Variants in TMEM109 observed in about 807,000 individuals in gnomAD.
The protein encoded by TMEM109 is transmembrane protein 109.
TMEM109 carries 19 observed loss-of-function variants against 26.4 expected under a neutral mutation model. The ratio of observed to expected loss-of-function variants is 0.72; its 90% CI spans 0.50 to 1.06. The LOEUF is 1.06. Ranked by LOEUF, TMEM109 falls within the 50% of genes least tolerant of loss-of-function variation. The pLI is 0.00. For missense variants in TMEM109, 262 were observed against 303.4 expected (o/e 0.86, Z 1.01); for synonymous variants, 129 against 142.0 (o/e 0.91, Z 0.65).
At chr11:60,915,756 G>T (rs985389733) in intron 1 of TMEM109, among the ~76,000 whole-genome samples, 1 of 152,176 alleles carries the variant, frequency 6.6e-6, no homozygotes, top group Non-Finnish European at 1.5e-5. Context: ...GGGAGGGGGG[G>T]GCGCGAAATG....
At chr11:60,915,402 A>T (rs1392838589) in intron 1 of TMEM109, among the ~76,000 whole-genome samples, 1 of 152,222 alleles carries the variant, frequency 6.6e-6, no homozygotes, top group South Asian at 2.1e-4. Context: ...TCCTTTGTAC[A>T]CTGCTGCACT....
At position 60,922,299 on chromosome 11, in the gene TMEM109, C is replaced by T. The variant is rs1856254335; in HGVS notation, c.*134C>T. On this transcript the variant is annotated 3_prime_UTR_variant, in exon 4 of 4. Coordinates refer to ENST00000227525, the MANE Select transcript of TMEM109 (RefSeq NM_024092.3). ...TTCAGAACATTGATCCTTGCCGCAG[C>T]CCCACTAGCCAAGAGAAACAGAGAA... 1 of 1,540,450 alleles carries T rather than the reference C, an allele frequency of 6.5e-7. No homozygotes were observed. The highest frequency in any genetic ancestry group is 8.7e-7 in the Non-Finnish European group (1 of 1,146,740).
intron 1 of TMEM109, among the ~76,000 whole-genome samples, chr11:60,915,537 G>A (rs901194064): frequency 6.6e-6 from 1 of 152,226 alleles, no homozygotes; most frequent in Non-Finnish European, 1.5e-5. Context: ...CCTGGGTGGG[G>A]CAGACGTCCT....
intron 3 of TMEM109, 80 bp downstream of exon 3, chr11:60,921,068 C>G: frequency 7.9e-7 from 1 of 1,272,044 alleles, no homozygotes; most frequent in South Asian, 1.2e-5. Context: ...TTGTCAGGGT[C>G]TAGCCTTTTC....
chr11:60,921,524 T>G lies in TMEM109; in HGVS notation c.341-250T>G, dbSNP rs7951857. On this transcript the variant is annotated intron_variant, in intron 3 of 3. Transcript: ENST00000227525. Reference sequence around the variant, plus strand: ...TATCTCATTTAATTGCCAGCCACAGTACAGGGAGGCAGTAGAATTGTTCCC... The same window carrying G: ...TATCTCATTTAATTGCCAGCCACAGGACAGGGAGGCAGTAGAATTGTTCCC... Among the ~76,000 whole-genome samples, 4,209 of 152,278 alleles carry G rather than the reference T, an allele frequency of 0.028. 183 individuals are homozygous for G. The highest frequency in any genetic ancestry group is 0.091 in the African/African-American group (3,783 of 41,530).
chr11:60,922,183 C>G lies in TMEM109; in HGVS notation c.*18C>G, dbSNP rs1218406571. The G allele has an allele frequency of 3.8e-6, 6 of 1,563,148 alleles. No homozygotes were observed. Among genetic ancestry groups the G allele is most frequent in the African/African-American group, 1.4e-5 (1 of 73,400 alleles). On this transcript the variant is annotated 3_prime_UTR_variant, in exon 4 of 4. Coordinates refer to ENST00000227525, the MANE Select transcript of TMEM109 (RefSeq NM_024092.3). ...AGGAGTGAGCCGGATGCCCCACACACCGCCAGTGTCATACCAAAGAGCTGA... is the reference window on the plus strand; with the variant it reads ...AGGAGTGAGCCGGATGCCCCACACAGCGCCAGTGTCATACCAAAGAGCTGA...
At position 60,921,815 on chromosome 11, in the gene TMEM109, G is replaced by A. The variant is rs770302461; in HGVS notation, c.382G>A (p.Val128Ile). 10 of 1,613,856 alleles carry A rather than the reference G, an allele frequency of 6.2e-6. No homozygotes were observed. The highest frequency in any genetic ancestry group is 8.5e-6 in the Non-Finnish European group (10 of 1,180,036). ...GGGCCTGAAGCTCAGCCCTGGCCAG[G>A]TCCAGACCTTCCTGCTGTGGGGAGC... The part of the protein sequence containing the change: ...AQGLKLSPGQ[V>I]QTFLLWGAGA... The change falls in exon 4 of 4, where the codon GTC (valine) becomes ATC (isoleucine). Residue 128 changes from valine (V) to isoleucine (I), a missense_variant. By Grantham distance (29) the Val-to-Ile change is conservative (BLOSUM62 3). Coordinates refer to ENST00000227525, the MANE Select transcript of TMEM109 (RefSeq NM_024092.3).
At chr11:60,917,320 C>T (rs187998883) in intron 1 of TMEM109, among the ~76,000 whole-genome samples, 3 of 152,312 alleles carry the variant, frequency 2.0e-5, no homozygotes, top group East Asian at 1.9e-4. Context: ...CCTGACTGCT[C>T]CTACCTCAGG....
In TMEM109 at chr11:60,922,378, G is replaced by A. The variant is rs1455598201; in HGVS notation, c.*213G>A. The stretch of plus-strand genomic sequence containing the variant: ...CCCTGTCTTCTGAGGTTCTCTGTCT[G>A]GGGTTGGCTCTCTTAACCCTTTCTC... On this transcript the variant is annotated 3_prime_UTR_variant, in exon 4 of 4. Coordinates refer to ENST00000227525, the MANE Select transcript of TMEM109 (RefSeq NM_024092.3). 2.7e-6 allele frequency: 4 copies of A among 1,496,766 alleles called. No homozygotes were observed. Among genetic ancestry groups the A allele is most frequent in the Non-Finnish European group, 3.6e-6 (4 of 1,116,330 alleles). 92.7% of individuals were successfully genotyped at this position (1,496,766 alleles called of 1,614,324 possible).
At chr11:60,918,105 G>A (rs1347187953) in intron 1 of TMEM109, among the ~76,000 whole-genome samples, 1 of 152,198 alleles carries the variant, frequency 6.6e-6, no homozygotes, top group Non-Finnish European at 1.5e-5. Flanking sequence ...AATTACTTCA[G>A]TAAAATGGGG....
At chr11:60,921,731 A>G (rs759653504) in intron 3 of TMEM109, 43 bp from the exon 4 acceptor site, 2 of 1,527,710 alleles carry the variant, frequency 1.3e-6, no homozygotes, top group Non-Finnish European at 1.8e-6. Flanking sequence ...TCCCCTCACC[A>G]CTTCTCCAGG....
At chr11:60,918,025 A>G (rs1856191274) in intron 1 of TMEM109, among the ~76,000 whole-genome samples, 1 of 152,128 alleles carries the variant, frequency 6.6e-6, no homozygotes, top group African/African-American at 2.4e-5. Flanking sequence ...GTTGTTGTGT[A>G]TGAGGGGTCC....
At chr11:60,914,595 A>G (rs1019557799) in intron 1 of TMEM109, among the ~76,000 whole-genome samples, 11 of 152,338 alleles carry the variant, frequency 7.2e-5, no homozygotes, top group African/African-American at 2.6e-4. Flanking sequence ...CCCACGGCCC[A>G]GCCTCCTGCA....
Position 60,919,704 on chromosome 11 carries a change from C to T in TMEM109, c.11C>T (p.Ser4Phe). Residue 4 changes from serine (S) to phenylalanine (F), a missense_variant, in exon 2 of 4, where the codon TCC becomes TTC. Ser to Phe is a radical substitution (Grantham distance 155). Transcript: ENST00000227525. MAA[S>F]SISSPWGKHV... ...CTGGCAGACCCAGTCATGGCAGCCT[C>T]CAGCATCAGTTCACCATGGGGAAAG... 1.9e-6 allele frequency: 3 copies of T among 1,614,220 alleles called. No homozygotes were observed. Among genetic ancestry groups the T allele is most frequent in the Non-Finnish European group, 2.5e-6 (3 of 1,180,026 alleles).
At chr11:60,921,623 G>A in intron 3 of TMEM109, 151 bp from the exon 4 acceptor site, 1 of 659,456 alleles carries the variant, frequency 1.5e-6, no homozygotes, top group South Asian at 1.9e-5. Context: ...AAGAAACAGA[G>A]CTGAGATTCC....
chr11:60,921,264 A>G lies in TMEM109; in HGVS notation c.340+276A>G, dbSNP rs554624582. The stretch of plus-strand genomic sequence containing the variant: ...GGCAATATAATGAGACCTCGTCTCT[A>G]TAAAAAATTAGCCAAGCATGGTGGC... On this transcript the variant is annotated intron_variant, in intron 3 of 3. Coordinates refer to ENST00000227525, the MANE Select transcript of TMEM109 (RefSeq NM_024092.3). Among the ~76,000 whole-genome samples the G allele has an allele frequency of 7.2e-5, 11 of 152,294 alleles. No individual in the cohort carries two copies. In the South Asian group the frequency reaches 2.1e-3, roughly 29 times the overall value.
At chr11:60,919,645 T>A in intron 1 of TMEM109, 41 bp from the exon 2 acceptor site, 1 of 1,511,578 alleles carries the variant, frequency 6.6e-7, no homozygotes, top group Non-Finnish European at 9.2e-7. Flanking sequence ...GGTGAGTGTG[T>A]CTACCATGGC....
intron 3 of TMEM109, 67 bp from the exon 4 acceptor site, chr11:60,921,707 C>G: frequency 1.6e-6 from 2 of 1,285,222 alleles, no homozygotes; most frequent in Non-Finnish European, 2.2e-6. Flanking sequence ...ACCCTTTTAG[C>G]TCTTGCCCCG....
At chr11:60,921,363 T>C (rs555298583) in intron 3 of TMEM109, among the ~76,000 whole-genome samples, 1 of 152,102 alleles carries the variant, frequency 6.6e-6, no homozygotes, top group Non-Finnish European at 1.5e-5. Context: ...GAGGTTGCAG[T>C]GAGCCGGGAT....
Sources: gnomAD v4.1 joint callset for allele counts (sites outside exome capture counted in the v4.1 genomes callset) on GRCh38, gnomAD v4.1.1 for gene constraint, MANE v1.5 for transcripts, NCBI Gene and HGNC (gene_info 2026-07-23, HGNC 2026-07-21) for gene names.